WWOX: variants seen among roughly 807,000 people sequenced by gnomAD.
WWOX encodes WW domain containing oxidoreductase.
A neutral mutation model predicts 46.2 loss-of-function variants in WWOX; 69 were observed. The ratio of observed to expected loss-of-function variants is 1.49; its 90% CI spans 1.23 to 1.82. The LOEUF is 1.82. WWOX is among the 40% of genes most tolerant of loss of function. The pLI, the probability that WWOX is intolerant of heterozygous loss-of-function variation, is 0.00. For synonymous variants in WWOX, 359 were observed against 202.6 expected (o/e 1.77, Z -6.56); for missense variants, 919 against 542.6 (o/e 1.69, Z -6.89).
chr16:78,113,048 G>A (rs1405892157), intron 3 of WWOX, among the ~76,000 whole-genome samples: 1 of 152,116 alleles, frequency 6.6e-6, no homozygotes, highest in Non-Finnish European at 1.5e-5. Flanking sequence ...ATTTTCTCCT[G>A]TGCAGTCTTT....
chr16:78,838,172 C>T (rs919695154), intron 8 of WWOX, among the ~76,000 whole-genome samples: 2 of 152,088 alleles, frequency 1.3e-5, no homozygotes, highest in African/African-American at 4.8e-5. Context: ...GGTAGCTTTT[C>T]AGGTTGTGGT....
chr16:78,590,386 A>G (rs1029182330), intron 8 of WWOX, among the ~76,000 whole-genome samples: 1 of 152,202 alleles, frequency 6.6e-6, no homozygotes, highest in Admixed American at 6.5e-5. Context: ...TAAGGAAGAC[A>G]GATCCAAGAT....
chr16:79,073,934 C>G (rs2048600023), intron 8 of WWOX, among the ~76,000 whole-genome samples: 1 of 151,750 alleles, frequency 6.6e-6, no homozygotes, highest in East Asian at 1.9e-4. Context: ...TAGCAATTCT[C>G]AATGTTTTTT....
intron 8 of WWOX, among the ~76,000 whole-genome samples, chr16:79,043,064 A>C (rs147239472): frequency 6.6e-6 from 1 of 152,272 alleles, no homozygotes; most frequent in African/African-American, 2.4e-5. Context: ...AGTTCCCATC[A>C]TACCTGGGCA....
At chr16:78,320,122 A>C (rs1207108618) in intron 5 of WWOX, among the ~76,000 whole-genome samples, 1 of 152,194 alleles carries the variant, frequency 6.6e-6, no homozygotes, top group Non-Finnish European at 1.5e-5. Flanking sequence ...ACTTAGCTTT[A>C]CTCAATGTTT....
chr16:79,186,355 C>G (rs991996250), intron 8 of WWOX, among the ~76,000 whole-genome samples: 1 of 152,196 alleles, frequency 6.6e-6, no homozygotes, highest in African/African-American at 2.4e-5. Flanking sequence ...CTAGAGAACT[C>G]TCCTTGCTCC....
chr16:78,905,716 A>T (rs369896372), intron 8 of WWOX, among the ~76,000 whole-genome samples: 1 of 152,288 alleles, frequency 6.6e-6, no homozygotes, highest in Non-Finnish European at 1.5e-5. Flanking sequence ...ATGGACCATG[A>T]ACTCCCTTTT....
chr16:78,793,989 G>A (rs2050675056), intron 8 of WWOX, among the ~76,000 whole-genome samples: 1 of 152,176 alleles, frequency 6.6e-6, no homozygotes, highest in African/African-American at 2.4e-5. Context: ...ATATAGCAAA[G>A]TTCTTAGTAA....
chr16:78,617,161 C>G (rs543601090), intron 8 of WWOX, among the ~76,000 whole-genome samples: 91 of 152,120 alleles, frequency 6.0e-4, no homozygotes, highest in Non-Finnish European at 1.2e-3. Flanking sequence ...CCTGTAATCC[C>G]AGCACTTTGG....
At chr16:78,390,369 C>G (rs571106642) in intron 6 of WWOX, among the ~76,000 whole-genome samples, 9 of 152,280 alleles carry the variant, frequency 5.9e-5, no homozygotes, top group African/African-American at 1.4e-4. Flanking sequence ...TTGTAATCAC[C>G]AAGCTCAAAA....
chr16:78,254,237 G>T (rs746842104), intron 5 of WWOX, among the ~76,000 whole-genome samples: 2 of 151,504 alleles, frequency 1.3e-5, no homozygotes, highest in African/African-American at 2.4e-5. Flanking sequence ...AATTTTTTTT[G>T]AAACTATTTG....
chr16:78,183,459 G>A (rs902944675), intron 5 of WWOX, among the ~76,000 whole-genome samples: 12 of 152,328 alleles, frequency 7.9e-5, no homozygotes, highest in African/African-American at 2.9e-4. Flanking sequence ...TTTGGAATCA[G>A]CCCGGTGGAG....
At chr16:78,850,132 C>A (rs75948632) in intron 8 of WWOX, among the ~76,000 whole-genome samples, 1 of 151,874 alleles carries the variant, frequency 6.6e-6, no homozygotes, top group Non-Finnish European at 1.5e-5. Flanking sequence ...GAAGTTTTCA[C>A]TACCAGTTTC....
At chr16:78,778,318 G>A (rs1461083215) in intron 8 of WWOX, among the ~76,000 whole-genome samples, 4 of 152,180 alleles carry the variant, frequency 2.6e-5, no homozygotes, top group African/African-American at 7.2e-5. Context: ...AGCAGTCCAC[G>A]CTTGGGTGGA....
intron 8 of WWOX, among the ~76,000 whole-genome samples, chr16:78,491,447 G>T (rs1234303230): frequency 6.6e-6 from 1 of 152,158 alleles, no homozygotes; most frequent in Non-Finnish European, 1.5e-5. Flanking sequence ...AAGCTCCAGT[G>T]GTACTCGATG....
chr16:79,110,994 C>G (rs2049406173), intron 8 of WWOX: 1 of 152,186 alleles, frequency 6.6e-6, no homozygotes, highest in Non-Finnish European at 1.5e-5. Context: ...CCATTCCCAC[C>G]CTTGCACATA....
chr16:78,274,163 G>A (rs1253820347), intron 5 of WWOX, among the ~76,000 whole-genome samples: 1 of 151,772 alleles, frequency 6.6e-6, no homozygotes, highest in Non-Finnish European at 1.5e-5. Flanking sequence ...CTTGCTTTTT[G>A]TTCCTTTCTT....
rs527582027 is a variant in WWOX, at chr16:79,135,172, G to T, written c.1057-76436G>T. 1.1e-4 allele frequency among the ~76,000 whole-genome samples: 16 copies of T among 152,184 alleles called. 1 individual carries two copies. In the East Asian group the frequency reaches 3.1e-3, roughly 29 times the overall value. On this transcript the variant is annotated intron_variant, in intron 8 of 8. Transcript: ENST00000566780. ...ACCTCCAAAATAACCACTGTTGACA[G>T]TGTATTGTTAACCTTGCTAGAAAAA...
intron 8 of WWOX, among the ~76,000 whole-genome samples, chr16:78,959,088 A>G (rs1013989598): frequency 6.6e-6 from 1 of 152,206 alleles, no homozygotes; most frequent in Non-Finnish European, 1.5e-5. Context: ...TTTTCTTGAG[A>G]TTAGTAAGAC....
Sources: allele counts gnomAD v4.1 joint callset (sites outside exome capture counted in the v4.1 genomes callset), GRCh38; gene constraint gnomAD v4.1.1; transcripts MANE v1.5; gene names NCBI Gene and HGNC (gene_info 2026-07-23, HGNC 2026-07-21).